Variants in FBXL20 observed in about 807,000 individuals in gnomAD.
FBXL20 encodes F-box/LRR-repeat protein 20.
A neutral mutation model predicts 64.0 loss-of-function variants in FBXL20; 11 were observed. That is an observed-to-expected ratio of 0.17 (90% CI 0.11 to 0.28). FBXL20 has a LOEUF of 0.28. Among genes scored for constraint, FBXL20 ranks in the 10% least tolerant of loss-of-function variants. The pLI, the probability that FBXL20 is intolerant of heterozygous loss-of-function variation, is 1.00. For missense variants in FBXL20, 303 were observed against 526.2 expected (o/e 0.58, Z 4.15); for synonymous variants, 184 against 189.0 (o/e 0.97, Z 0.22).
intron 2 of FBXL20, among the ~76,000 whole-genome samples, chr17:39,342,792 G>A (rs1238447828): frequency 6.6e-6 from 1 of 152,088 alleles, no homozygotes; most frequent in African/African-American, 2.4e-5. Context: ...TGAGGTGGGA[G>A]GACTGCTTGA....
At chr17:39,342,517 C>T (rs917024169) in intron 2 of FBXL20, among the ~76,000 whole-genome samples, 1 of 152,114 alleles carries the variant, frequency 6.6e-6, no homozygotes, top group African/African-American at 2.4e-5. Flanking sequence ...AGATCAAGAC[C>T]ATCCTGGCTA....
chr17:39,298,980 A>G lies in FBXL20; in HGVS notation c.329+10T>C, dbSNP rs2047110764. On this transcript the variant is annotated intron_variant, in intron 5 of 14. Coordinates refer to ENST00000264658, the MANE Select transcript of FBXL20 (RefSeq NM_032875.3). ...CCATCAAGAAGATTAATCAATAGTT[A>G]TGTTTTTACCTTAATGCATTGTCTC... 11 of 1,603,870 alleles carry G rather than the reference A, an allele frequency of 6.9e-6. No homozygotes were observed. Among genetic ancestry groups the G allele is most frequent in the Non-Finnish European group, 9.4e-6 (11 of 1,171,834 alleles).
In FBXL20 at chr17:39,254,703, C is replaced by T. The variant is rs1482629749; in HGVS notation, c.*6757G>A. 1 of 154,482 alleles carries T rather than the reference C, an allele frequency of 6.5e-6. No homozygotes were observed. The highest frequency in any genetic ancestry group is 1.5e-5 in the Non-Finnish European group (1 of 68,208). The allele number at this position is 154,482 out of a possible 1,614,324, so 9.6% of individuals were successfully genotyped here. On this transcript the variant is annotated 3_prime_UTR_variant, in exon 15 of 15. Coordinates refer to ENST00000264658, the MANE Select transcript of FBXL20 (RefSeq NM_032875.3). ...CACAGCCATCACTATGTATTCAAGACAGATGCTGTACCTGAGGCAAAGTAC... is the reference window on the plus strand; with the variant it reads ...CACAGCCATCACTATGTATTCAAGATAGATGCTGTACCTGAGGCAAAGTAC...
At position 39,300,978 on chromosome 17, in the gene FBXL20, G is replaced by C. The variant is rs145888235; in HGVS notation, c.234+23C>G. The stretch of plus-strand genomic sequence containing the variant: ...CTGTAATTACTAACATGAAAACTGG[G>C]GCCACACACCACATAATTATACCTC... On this transcript the variant is annotated intron_variant, in intron 4 of 14. Coordinates refer to ENST00000264658, the MANE Select transcript of FBXL20 (RefSeq NM_032875.3). 6.6e-3 allele frequency: 10,644 copies of C among 1,608,782 alleles called. 93 individuals carry two copies. The highest frequency in any genetic ancestry group is 6.4e-3 in the Non-Finnish European group (7,497 of 1,175,904).
At chr17:39,370,791 T>A in intron 1 of FBXL20, among the ~76,000 whole-genome samples, 1 of 141,954 alleles carries the variant, frequency 7.0e-6, no homozygotes, top group East Asian at 2.1e-4. Flanking sequence ...CGAGACTCCG[T>A]CTCAAAAAAA....
upstream of FBXL20, chr17:39,402,139 C>G (rs1022916613): frequency 3.2e-5 from 40 of 1,233,302 alleles, no homozygotes; most frequent in East Asian, 1.2e-3. Context: ...CCGCATCCTT[C>G]CCGGCCACCC....
intron 6 of FBXL20, among the ~76,000 whole-genome samples, chr17:39,294,608 C>T (rs959510245): frequency 1.3e-5 from 2 of 151,950 alleles, no homozygotes; most frequent in Non-Finnish European, 2.9e-5. Flanking sequence ...AAGGCTAATA[C>T]TGTGTTTAAA....
intron 6 of FBXL20, among the ~76,000 whole-genome samples, chr17:39,292,730 T>A (rs1176028303): frequency 6.6e-6 from 1 of 152,032 alleles, no homozygotes; most frequent in Non-Finnish European, 1.5e-5. Flanking sequence ...TATATTTCTA[T>A]TGACTGGCTT....
chr17:39,327,750 T>A (rs1322820476), intron 2 of FBXL20, among the ~76,000 whole-genome samples: 1 of 152,092 alleles, frequency 6.6e-6, no homozygotes, highest in Admixed American at 6.6e-5. Context: ...GCCCAGGCTG[T>A]AGTGCAGTGG....
chr17:39,275,843 T>C (rs2046885333), intron 9 of FBXL20, among the ~76,000 whole-genome samples: 1 of 152,164 alleles, frequency 6.6e-6, no homozygotes. Flanking sequence ...TGCAATATTG[T>C]ATCAGCCACA....
chr17:39,274,307 G>C (rs1005318346), intron 10 of FBXL20, among the ~76,000 whole-genome samples: 1 of 152,206 alleles, frequency 6.6e-6, no homozygotes, highest in Non-Finnish European at 1.5e-5. Flanking sequence ...CTGAGGCTGA[G>C]GTGAGATGAT....
intron 1 of FBXL20, among the ~76,000 whole-genome samples, chr17:39,399,893 C>T (rs1321216750): frequency 6.6e-6 from 1 of 152,190 alleles, no homozygotes; most frequent in African/African-American, 2.4e-5. Flanking sequence ...GCTAATTCCA[C>T]AGGCAAAAGA....
intron 2 of FBXL20, among the ~76,000 whole-genome samples, chr17:39,335,698 C>T: frequency 6.6e-6 from 1 of 151,906 alleles, no homozygotes; most frequent in Non-Finnish European, 1.5e-5. Flanking sequence ...TCAAGTGGTA[C>T]CGCTAAGTAA....
chr17:39,401,720 G>C (rs1371748560), upstream of FBXL20: 1 of 1,120,784 alleles, frequency 8.9e-7, no homozygotes. Context: ...CGGAGCGCCC[G>C]GGAGGGGGAG....
Position 39,261,449 on chromosome 17 carries a change from C to A in FBXL20, c.*11G>T. 1 of 1,606,324 alleles carries A rather than the reference C, an allele frequency of 6.2e-7. No individual in the cohort carries two copies. The highest frequency in any genetic ancestry group is 8.5e-7 in the Non-Finnish European group (1 of 1,173,024). On this transcript the variant is annotated 3_prime_UTR_variant, in exon 15 of 15. Coordinates refer to ENST00000264658, the MANE Select transcript of FBXL20 (RefSeq NM_032875.3). ...AAATACTCAGTTCGCCAAGGTTGACCACCTCCATTGTCATAGGATGATGCA... is the reference window on the plus strand; with the variant it reads ...AAATACTCAGTTCGCCAAGGTTGACAACCTCCATTGTCATAGGATGATGCA...
intron 2 of FBXL20, among the ~76,000 whole-genome samples, chr17:39,319,461 C>T (rs973908430): frequency 6.6e-6 from 1 of 151,842 alleles, no homozygotes; most frequent in African/African-American, 2.4e-5. Context: ...ACGAGGTGGG[C>T]GGATCACAAG....
intron 1 of FBXL20, among the ~76,000 whole-genome samples, chr17:39,392,387 C>T (rs991747664): frequency 6.9e-6 from 1 of 144,424 alleles, no homozygotes; most frequent in African/African-American, 2.6e-5. Context: ...TTGCAGTGAG[C>T]GAAGATCACA....
intron 1 of FBXL20, among the ~76,000 whole-genome samples, chr17:39,396,966 A>AG (rs983141274): frequency 6.1e-5 from 8 of 130,410 alleles, no homozygotes; most frequent in South Asian, 4.2e-4. Flanking sequence ...CAAAAAAAAA[A>AG]AAAAAAAAAA....
chr17:39,269,780 G>T (rs989814683), intron 11 of FBXL20, among the ~76,000 whole-genome samples: 4 of 152,186 alleles, frequency 2.6e-5, no homozygotes, highest in Non-Finnish European at 4.4e-5. Flanking sequence ...TTACAGGCAT[G>T]AGCCACCGCG....
Sources: gnomAD v4.1 joint callset for allele counts (sites outside exome capture counted in the v4.1 genomes callset) on GRCh38, gnomAD v4.1.1 for gene constraint, MANE v1.5 for transcripts, NCBI Gene and HGNC (gene_info 2026-07-23, HGNC 2026-07-21) for gene names.